ODAD3: variants seen among roughly 807,000 people sequenced by gnomAD.
ODAD3 encodes outer dynein arm docking complex subunit 3.
Under a neutral mutation model 70.9 loss-of-function variants are expected in ODAD3, and 57 were observed. The ratio of observed to expected loss-of-function variants is 0.80; its 90% CI spans 0.65 to 1.00. The LOEUF is 1.00. Among genes scored for constraint, ODAD3 ranks in the 50% least tolerant of loss-of-function variants. ODAD3 has a pLI of 0.00. For synonymous variants in ODAD3, 327 were observed against 315.9 expected (o/e 1.04, Z -0.37); for missense variants, 797 against 763.9 (o/e 1.04, Z -0.51).
intron 11 of ODAD3, 66 bp downstream of exon 11, chr19:11,421,611 T>C: frequency 6.5e-7 from 1 of 1,539,224 alleles, no homozygotes; most frequent in Non-Finnish European, 8.8e-7. Context: ...TGCCCCCGGT[T>C]CCCTGGTTTT....
chr19:11,430,417 C>T (rs1969477895), intron 3 of ODAD3: 1 of 456,604 alleles, frequency 2.2e-6, no homozygotes, highest in South Asian at 2.7e-5. Context: ...TGATTACAGA[C>T]GTGGGCCACC....
upstream of ODAD3, chr19:11,435,491 AAGGTTTCAC>A (rs1421440416): frequency 7.6e-6 from 3 of 396,094 alleles, no homozygotes; most frequent in African/African-American, 2.1e-5. Context: ...TATCCTCTCT[AAGGTTTCAC>A]AGTCCTGCCC....
intron 1 of ODAD3, among the ~76,000 whole-genome samples, chr19:11,432,002 A>G (rs1040678044): frequency 2.0e-5 from 3 of 150,966 alleles, no homozygotes; most frequent in Non-Finnish European, 4.4e-5. Context: ...AATCCCAGCT[A>G]CAGGAGGCTG....
rs756420398 is a variant in ODAD3, at chr19:11,422,733, G to A, written c.1245C>T (p.Asp415=). ...GCGTGGCCTCCCCCGAGTACTTGAG[G>A]TCTTCCAGCTCCCGCTGCAGTTGTT... ...EKQQLQRELE[D]LKYSGEATLV... Residue 415 remains aspartate, a synonymous_variant, in exon 9 of 13, where the codon GAC becomes GAT. Coordinates refer to ENST00000356392, the MANE Select transcript of ODAD3 (RefSeq NM_145045.5). The surrounding 1 kb of genome is among the most constrained non-coding windows in gnomAD (Gnocchi z 4.6). 3.7e-6 allele frequency: 6 copies of A among 1,612,782 alleles called. No homozygotes were observed. In the South Asian group the frequency reaches 5.5e-5, roughly 15 times the overall value.
chr19:11,435,550 C>T (rs1019449576), upstream of ODAD3: 5 of 604,914 alleles, frequency 8.3e-6, no homozygotes, highest in South Asian at 6.5e-5. Context: ...CCCACTCCTG[C>T]CTCTCCCAAC....
intron 3 of ODAD3, among the ~76,000 whole-genome samples, chr19:11,429,818 G>A (rs895389947): frequency 4.0e-4 from 59 of 149,096 alleles, no homozygotes; most frequent in African/African-American, 1.2e-3. Context: ...GATTACGGGC[G>A]TGAGCCACCG....
Position 11,430,687 on chromosome 19 carries a change from G to A in ODAD3, c.444+12C>T. 1 of 1,613,966 alleles carries A rather than the reference G, an allele frequency of 6.2e-7. No individual in the cohort carries two copies. The highest frequency in any genetic ancestry group is 8.5e-7 in the Non-Finnish European group (1 of 1,179,908). ...GGAAATGAAGGAGGAGGTGGGGCGA[G>A]GGTGGGCAAACCTGTCCTGTCCTGT... is the stretch of plus-strand genomic sequence containing the variant. On this transcript the variant is annotated intron_variant, in intron 3 of 12. Coordinates refer to ENST00000356392, the MANE Select transcript of ODAD3 (RefSeq NM_145045.5).
chr19:11,425,214 T>C (rs889050887), intron 7 of ODAD3, among the ~76,000 whole-genome samples: 5 of 141,242 alleles, frequency 3.5e-5, no homozygotes, highest in Admixed American at 1.4e-4. Flanking sequence ...TGTACATATG[T>C]GTATATATGT....
chr19:11,435,305 C>G, upstream of ODAD3: 1 of 867,248 alleles, frequency 1.2e-6, no homozygotes, highest in Non-Finnish European at 1.6e-6. Flanking sequence ...CGCCGCAGGA[C>G]GGAGGGTCTG....
chr19:11,430,596 G>T, intron 3 of ODAD3, 103 bp downstream of exon 3: 1 of 1,025,784 alleles, frequency 9.7e-7, no homozygotes, highest in Non-Finnish European at 1.5e-6. Context: ...CACATGAATG[G>T]CAGCTAGTGT....
upstream of ODAD3, chr19:11,435,571 T>C: frequency 1.3e-6 from 1 of 786,102 alleles, no homozygotes; most frequent in Non-Finnish European, 1.9e-6. Flanking sequence ...ATGGCGACCC[T>C]GAGTCTCCGT....
chr19:11,421,061 C>G, intron 12 of ODAD3, 67 bp downstream of exon 12: 2 of 1,589,728 alleles, frequency 1.3e-6, no homozygotes, highest in Admixed American at 1.7e-5. Flanking sequence ...AACAGGGTAT[C>G]TGACAACCTC....
At chr19:11,421,405 T>A (rs1969131574) in intron 11 of ODAD3, among the ~76,000 whole-genome samples, 193 bp from the exon 12 acceptor site, 1 of 152,074 alleles carries the variant, frequency 6.6e-6, no homozygotes, top group Admixed American at 6.6e-5. Flanking sequence ...GGTCCGCCCC[T>A]GGTCTCTGGG....
Position 11,421,818 on chromosome 19 carries a change from G to A in ODAD3, c.1449C>T (p.Phe483=), listed in dbSNP as rs367797540. The change falls in exon 11 of 13, where the codon TTC becomes TTT. Residue 483 remains phenylalanine (F), a synonymous_variant. Coordinates refer to ENST00000356392, the MANE Select transcript of ODAD3 (RefSeq NM_145045.5). ...LIHITVEDGR[F]AGKELDPQAD... is the part of the protein sequence containing the mutation. ...CCTGGGGATCCAGCTCCTTTCCCGC[G>A]AAGCGGCCGTCCTCCTGCGGCCAGG... 1.8e-5 allele frequency: 29 copies of A among 1,612,448 alleles called. No individual in the cohort carries two copies. Among genetic ancestry groups the A allele is most frequent in the Non-Finnish European group, 2.5e-5 (29 of 1,179,642 alleles).
In ODAD3 at chr19:11,420,778, A is replaced by T; in HGVS notation, c.*57T>A. Reference sequence around the variant, plus strand: ...GAAGGGGCCCCGTGGGGCCTGCGCTAGACCCGGAGGGATCGGGGGCTCCGA... The same window carrying T: ...GAAGGGGCCCCGTGGGGCCTGCGCTTGACCCGGAGGGATCGGGGGCTCCGA... On this transcript the variant is annotated 3_prime_UTR_variant, in exon 13 of 13. Coordinates refer to ENST00000356392, the MANE Select transcript of ODAD3 (RefSeq NM_145045.5). The T allele has an allele frequency of 6.7e-7, 1 of 1,495,396 alleles. No individual in the cohort carries two copies. Among genetic ancestry groups the T allele is most frequent in the Non-Finnish European group, 9.3e-7 (1 of 1,073,764 alleles). The allele number at this position is 1,495,396 out of a possible 1,614,324, so 92.6% of individuals were successfully genotyped here. A position where few individuals can be genotyped will look rare whatever the true frequency, so the allele number is the denominator to read the frequency against.
chr19:11,425,537 G>GTA (rs1476104871), intron 7 of ODAD3, among the ~76,000 whole-genome samples: 4 of 138,914 alleles, frequency 2.9e-5, no homozygotes, highest in African/African-American at 1.2e-4. Context: ...GTATATATGT[G>GTA]TGTATGTATG....
intron 7 of ODAD3, among the ~76,000 whole-genome samples, chr19:11,424,625 A>G (rs1445699697): frequency 8.3e-6 from 1 of 120,014 alleles, no homozygotes; most frequent in Non-Finnish European, 1.6e-5. Context: ...ACCTATGTGT[A>G]TATATGTATA....
chr19:11,428,900 T>TA (rs1969445036), intron 3 of ODAD3, among the ~76,000 whole-genome samples: 1 of 150,758 alleles, frequency 6.6e-6, no homozygotes, highest in Non-Finnish European at 1.5e-5. Context: ...TTTATTTATT[T>TA]ATTTTGAGAC....
chr19:11,427,032 C>A lies in ODAD3; in HGVS notation c.453G>T (p.Glu151Asp). ...TCTCCCTCAGCCGGTGGTCTAGGTG[C>A]TCCAGGGCCTGCCGCAAGGAGGGGA... Reference protein sequence around the residue: ...YLKNRTGQALEHLDHRLREKV... With the variant: ...YLKNRTGQALDHLDHRLREKV... The change falls in exon 4 of 13, where the codon GAG (glutamate) becomes GAT (aspartate). Residue 151 changes from glutamate (E) to aspartate (D), a missense_variant. Physicochemically the swap from Glu to Asp is conservative, Grantham distance 45. Transcript: ENST00000356392. 1 of 1,583,310 alleles carries A rather than the reference C, an allele frequency of 6.3e-7. No individual in the cohort carries two copies. The highest frequency in any genetic ancestry group is 8.5e-7 in the Non-Finnish European group (1 of 1,170,560).
Sources: gnomAD v4.1 joint callset for allele counts (sites outside exome capture counted in the v4.1 genomes callset) on GRCh38, gnomAD v4.1.1 for gene constraint, Gnocchi (gnomAD v3.1) non-coding constraint, MANE v1.5 for transcripts, NCBI Gene and HGNC (gene_info 2026-07-23, HGNC 2026-07-21) for gene names.